Variants in DOP1B observed in about 807,000 individuals in gnomAD.
DOP1B encodes the protein DOP1 leucine zipper like protein B.
Under a neutral mutation model 233.5 loss-of-function variants are expected in DOP1B, and 174 were observed. The observed-to-expected ratio is 0.75, with a 90% CI of 0.66 to 0.85. DOP1B has a LOEUF of 0.85. Among genes scored for constraint, DOP1B ranks in the 40% least tolerant of loss-of-function variants. The pLI, the probability that DOP1B is intolerant of heterozygous loss-of-function variation, is 0.00. For synonymous variants in DOP1B, 1,190 were observed against 1,185.6 expected (o/e 1.00, Z -0.08); for missense variants, 2,652 against 2,846.6 (o/e 0.93, Z 1.56).
intron 18 of DOP1B, among the ~76,000 whole-genome samples, chr21:36,244,517 T>G (rs1358647566): frequency 6.6e-6 from 1 of 152,124 alleles, no homozygotes; most frequent in African/African-American, 2.4e-5. Context: ...CTCTGCCTCC[T>G]GGGTTCAAAT....
At chr21:36,283,150 C>G (rs2067437566) in intron 32 of DOP1B, among the ~76,000 whole-genome samples, 1 of 151,554 alleles carries the variant, frequency 6.6e-6, no homozygotes, top group African/African-American at 2.4e-5. Flanking sequence ...GGCGCAGTCT[C>G]GCCTCATTGA....
rs142326318 is a variant in DOP1B at position 36,248,769 on chromosome 21, C to G, written c.4998+201C>G. Among the ~76,000 whole-genome samples the G allele has an allele frequency of 8.4e-4, 128 of 152,216 alleles. 3 individuals are homozygous for G. The East Asian group carries it at 0.023, about 27-fold the overall frequency. On this transcript the variant is annotated intron_variant, in intron 21 of 36. Coordinates refer to ENST00000691173, the MANE Select transcript of DOP1B (RefSeq NM_001320714.2). ...ATGGAGGAGTCTGAGTGGTTTCAGCCTGTTTTCTTCTTATTTTCCATTCAC... is the reference window on the plus strand; with the variant it reads ...ATGGAGGAGTCTGAGTGGTTTCAGCGTGTTTTCTTCTTATTTTCCATTCAC...
rs143932256 is a variant in DOP1B at position 36,282,528 on chromosome 21, GTCC to G, written c.6160+922_6160+924del. Among the ~76,000 whole-genome samples, 52 of 152,320 alleles carry G rather than the reference GTCC, an allele frequency of 3.4e-4. No homozygotes were observed. The East Asian group carries it at 9.8e-3, about 29-fold the overall frequency. On this transcript the variant is annotated intron_variant, in intron 32 of 36. Transcript: ENST00000691173. Reference sequence around the variant, plus strand: ...TTCCTCAGCACTGTCTCTTGCTAGAGTCCTCCTGCAGTCAAGGTACTCGGTGTT... The same window carrying G: ...TTCCTCAGCACTGTCTCTTGCTAGAGTCCTGCAGTCAAGGTACTCGGTGTT...
rs377226407 is a variant in DOP1B, at chr21:36,181,523, C to T, written c.138+16652C>T. ...TGAACTCCTGACCTCATGTGATCCA[C>T]CCCCCTCAGCCTCCCAAAGTGCTGG... On this transcript the variant is annotated intron_variant, in intron 2 of 36. Coordinates refer to ENST00000691173, the MANE Select transcript of DOP1B (RefSeq NM_001320714.2). 9.2e-5 allele frequency among the ~76,000 whole-genome samples: 14 copies of T among 152,264 alleles called. No homozygotes were observed. In the East Asian group the frequency reaches 2.3e-3, roughly 25 times the overall value.
At chr21:36,228,029 T>C (rs766426011) in intron 13 of DOP1B, 152 bp downstream of exon 13, 19 of 817,520 alleles carry the variant, frequency 2.3e-5, no homozygotes, top group African/African-American at 5.2e-5. Context: ...ACCCTCACTT[T>C]AAAAGGTTTT....
intron 2 of DOP1B, among the ~76,000 whole-genome samples, chr21:36,198,431 A>AG (rs199877175): frequency 3.0e-5 from 4 of 132,942 alleles, no homozygotes; most frequent in Admixed American, 7.1e-5. Flanking sequence ...TGCATCTCAC[A>AG]AAAAAAAAAA....
At chr21:36,194,555 C>T (rs765298083) in intron 2 of DOP1B, among the ~76,000 whole-genome samples, 49 of 147,030 alleles carry the variant, frequency 3.3e-4, no homozygotes, top group Non-Finnish European at 2.5e-4. Context: ...GGCACAATCT[C>T]GACTCTCTCC....
At chr21:36,239,594 G>A (rs2845756) in intron 17 of DOP1B, among the ~76,000 whole-genome samples, 171 bp from the exon 18 acceptor site, 65,728 of 152,064 alleles carry the variant, frequency 0.43, 14,722 homozygotes, top group Non-Finnish European at 0.49. Flanking sequence ...ATTCCAACGC[G>A]AAACCAAAGT....
At chr21:36,257,291 A>G (rs1177533692) in intron 23 of DOP1B, among the ~76,000 whole-genome samples, 1 of 152,150 alleles carries the variant, frequency 6.6e-6, no homozygotes, top group Non-Finnish European at 1.5e-5. Context: ...TGGAAACTTC[A>G]TTGGATGGGT....
In DOP1B at chr21:36,212,087, A is replaced by G. The variant is rs745911931; in HGVS notation, c.894A>G (p.Ala298=). 8.7e-6 allele frequency: 14 copies of G among 1,610,466 alleles called. No individual in the cohort carries two copies. The highest frequency in any genetic ancestry group is 1.1e-5 in the Non-Finnish European group (13 of 1,178,822). Reference sequence around the variant, plus strand: ...TGTCCCTGAACAGAAGACTGTATGCATGGTTACTAGGTACTGAGCAGTATA... The same window carrying G: ...TGTCCCTGAACAGAAGACTGTATGCGTGGTTACTAGGTACTGAGCAGTATA... The part of the protein sequence containing the change: ...RDMSLNRRLY[A]WLLGSDIKGN... The change falls in exon 7 of 37, where the codon GCA becomes GCG. Residue 298 remains alanine, a synonymous_variant. Transcript: ENST00000691173.
In DOP1B at chr21:36,289,129, C is replaced by T; in HGVS notation, c.6438C>T (p.Leu2146=). ...TGGGGGAGATACCCCAGAGTGAACT[C>T]ATCTTGTATTTATCAGCTTGCAAAT... is the stretch of plus-strand genomic sequence containing the variant. The part of the protein sequence containing the change: ...PSVGEIPQSE[L]ILYLSACKFL... The change falls in exon 35 of 37, where the codon CTC becomes CTT. Residue 2146 remains leucine, a synonymous_variant. Transcript: ENST00000691173. The T allele has an allele frequency of 6.2e-7, 1 of 1,614,088 alleles. No individual in the cohort carries two copies. Among genetic ancestry groups the T allele is most frequent in the South Asian group, 1.1e-5 (1 of 91,056 alleles).
chr21:36,276,397 G>A (rs2067349510), intron 27 of DOP1B, among the ~76,000 whole-genome samples: 1 of 152,100 alleles, frequency 6.6e-6, no homozygotes, highest in Non-Finnish European at 1.5e-5. Flanking sequence ...TGGGCGTGGT[G>A]ATGTGTGCCT....
rs1399414922 is a variant in DOP1B at position 36,277,113 on chromosome 21, C to A, written c.5712+13C>A. On this transcript the variant is annotated intron_variant, in intron 28 of 36. Transcript: ENST00000691173. ...TCTCCTGGCAGAGGTAAATACACACCTGACCTGTCGTCCTTTATGGAAATG... is the reference window on the plus strand; with the variant it reads ...TCTCCTGGCAGAGGTAAATACACACATGACCTGTCGTCCTTTATGGAAATG... The A allele has an allele frequency of 4.3e-6, 7 of 1,611,714 alleles. No individual in the cohort carries two copies. Among genetic ancestry groups the A allele is most frequent in the Non-Finnish European group, 5.9e-6 (7 of 1,179,136 alleles).
At chr21:36,276,923 CG>C in intron 27 of DOP1B, 97 bp from the exon 28 acceptor site, 2 of 1,101,414 alleles carry the variant, frequency 1.8e-6, no homozygotes, top group South Asian at 1.4e-5. Context: ...GTATGAAAGG[CG>C]GGAGCTGATG....
At chr21:36,161,405 G>A (rs1027245182) in intron 1 of DOP1B, among the ~76,000 whole-genome samples, 3 of 152,184 alleles carry the variant, frequency 2.0e-5, no homozygotes, top group Non-Finnish European at 4.4e-5. Context: ...CCAAAGCGCT[G>A]GGATTATAGG....
intron 21 of DOP1B, 96 bp from the exon 22 acceptor site, chr21:36,251,066 C>A: frequency 1.4e-6 from 2 of 1,466,452 alleles, no homozygotes; most frequent in South Asian, 1.4e-5. Flanking sequence ...ATGACAGGGT[C>A]CTTGCTCTCG....
chr21:36,163,073 G>C (rs968550680), intron 1 of DOP1B, among the ~76,000 whole-genome samples: 2 of 152,068 alleles, frequency 1.3e-5, no homozygotes, highest in African/African-American at 4.8e-5. Context: ...GTTGCCAGGC[G>C]CGGTGGCTCA....
intron 11 of DOP1B, among the ~76,000 whole-genome samples, chr21:36,224,932 C>G (rs1211120928): frequency 6.6e-6 from 1 of 151,832 alleles, no homozygotes; most frequent in Admixed American, 6.6e-5. Flanking sequence ...GTTCTCCAGC[C>G]CAGCCTCGTT....
intron 22 of DOP1B, among the ~76,000 whole-genome samples, chr21:36,252,429 G>A (rs1464667212): frequency 7.4e-6 from 1 of 135,560 alleles, no homozygotes; most frequent in Non-Finnish European, 1.5e-5. Flanking sequence ...CTGCACTCTA[G>A]CCTAGACAAC....
Sources: gnomAD v4.1 joint callset for allele counts (sites outside exome capture counted in the v4.1 genomes callset) on GRCh38, gnomAD v4.1.1 for gene constraint, MANE v1.5 for transcripts, NCBI Gene and HGNC (gene_info 2026-07-23, HGNC 2026-07-21) for gene names.